The following NR2F1-AS1 variants were observed in gnomAD, a reference collection of about 807,000 sequenced individuals.
NR2F1-AS1 encodes NR2F1 regulatory antisense RNA 1, also known as NR2F1 antisense RNA 1.
chr5:93,433,059 C>T (rs998941358), intron 4 of NR2F1-AS1, among the ~76,000 whole-genome samples: 1 of 152,152 alleles, frequency 6.6e-6, no homozygotes, highest in Non-Finnish European at 1.5e-5. Flanking sequence ...TATTTTCATG[C>T]TTCTCCTATG....
chr5:93,487,341 G>C (rs553006027), intron 4 of NR2F1-AS1, among the ~76,000 whole-genome samples: 1 of 152,280 alleles, frequency 6.6e-6, no homozygotes, highest in Non-Finnish European at 1.5e-5. Flanking sequence ...TGTATATTTA[G>C]AAAACCCCAT....
intron 1 of NR2F1-AS1, among the ~76,000 whole-genome samples, chr5:93,575,621 C>A (rs1752878295): frequency 1.3e-5 from 2 of 152,194 alleles, no homozygotes; most frequent in Admixed American, 1.3e-4. Context: ...CAATCTCCTC[C>A]CCCTGAAGAG....
At chr5:93,443,947 A>G (rs184096497) in intron 4 of NR2F1-AS1, among the ~76,000 whole-genome samples, 5 of 152,316 alleles carry the variant, frequency 3.3e-5, no homozygotes, top group Admixed American at 1.3e-4. Flanking sequence ...ATCCAGCCAA[A>G]CTAAGTTTCA....
chr5:93,577,965 T>C (rs1752932971), intron 1 of NR2F1-AS1, among the ~76,000 whole-genome samples: 1 of 152,138 alleles, frequency 6.6e-6, no homozygotes, highest in South Asian at 2.1e-4. Flanking sequence ...TTGAACTAGA[T>C]TTAGAAAATG....
At chr5:93,530,594 T>G (rs1313131780) in intron 4 of NR2F1-AS1, among the ~76,000 whole-genome samples, 2 of 152,166 alleles carry the variant, frequency 1.3e-5, no homozygotes, top group Non-Finnish European at 2.9e-5. Context: ...GAGAAACAGA[T>G]AAACAAGGGA....
chr5:93,429,066 G>A (rs1749253773), intron 4 of NR2F1-AS1, among the ~76,000 whole-genome samples: 1 of 152,114 alleles, frequency 6.6e-6, no homozygotes, highest in African/African-American at 2.4e-5. Context: ...TTTGTTCTTA[G>A]TCATGTGCAG....
At chr5:93,535,127 C>A (rs1751813246) in intron 4 of NR2F1-AS1, among the ~76,000 whole-genome samples, 1 of 150,584 alleles carries the variant, frequency 6.6e-6, no homozygotes. Context: ...CAAAGCTATC[C>A]TTAAACAGAA....
At chr5:93,519,270 A>G (rs1333186895) in intron 4 of NR2F1-AS1, among the ~76,000 whole-genome samples, 1 of 152,094 alleles carries the variant, frequency 6.6e-6, no homozygotes, top group African/African-American at 2.4e-5. Flanking sequence ...GCAGATTTAC[A>G]TCTCACATTC....
At chr5:93,457,610 T>C (rs183085626) in intron 4 of NR2F1-AS1, among the ~76,000 whole-genome samples, 3 of 152,252 alleles carry the variant, frequency 2.0e-5, no homozygotes, top group Admixed American at 6.5e-5. Context: ...AAAACCACCA[T>C]TGTCATCATG....
At chr5:93,507,050 T>C (rs972270681) in intron 4 of NR2F1-AS1, among the ~76,000 whole-genome samples, 3 of 152,176 alleles carry the variant, frequency 2.0e-5, no homozygotes, top group African/African-American at 7.2e-5. Flanking sequence ...AGACTGACAT[T>C]GCTAAATTTA....
intron 4 of NR2F1-AS1, among the ~76,000 whole-genome samples, chr5:93,513,888 A>G (rs542168099): frequency 5.9e-5 from 9 of 152,266 alleles, no homozygotes; most frequent in Non-Finnish European, 8.8e-5. Context: ...CTTACTAAAC[A>G]TAAGTACTAT....
intron 1 of NR2F1-AS1, among the ~76,000 whole-genome samples, chr5:93,573,161 TC>T (rs1416634051): frequency 1.3e-5 from 2 of 152,140 alleles, no homozygotes; most frequent in Non-Finnish European, 2.9e-5. Context: ...AGACCGCAGC[TC>T]CCTGCCGAAG....
chr5:93,497,439 T>A (rs995325428), intron 4 of NR2F1-AS1, among the ~76,000 whole-genome samples: 4 of 152,158 alleles, frequency 2.6e-5, no homozygotes, highest in African/African-American at 9.7e-5. Context: ...GGTTTACAGG[T>A]TGTGAGAAAA....
At chr5:93,479,634 A>T (rs1284944507) in intron 4 of NR2F1-AS1, among the ~76,000 whole-genome samples, 1 of 152,002 alleles carries the variant, frequency 6.6e-6, no homozygotes, top group African/African-American at 2.4e-5. Context: ...GAAGCACACA[A>T]AAAATAGAAA....
At chr5:93,474,591 C>T (rs1274429592) in intron 4 of NR2F1-AS1, among the ~76,000 whole-genome samples, 1 of 152,166 alleles carries the variant, frequency 6.6e-6, no homozygotes, top group African/African-American at 2.4e-5. Context: ...TGCTTCCTAA[C>T]TCATAGATGG....
At chr5:93,502,597 A>C (rs919106905) in intron 4 of NR2F1-AS1, among the ~76,000 whole-genome samples, 4 of 152,230 alleles carry the variant, frequency 2.6e-5, no homozygotes, top group Non-Finnish European at 5.9e-5. Flanking sequence ...AAAGGTTCAG[A>C]TATTCAAAAG....
chr5:93,424,936 C>T (rs1247553711), intron 4 of NR2F1-AS1, among the ~76,000 whole-genome samples: 1 of 152,158 alleles, frequency 6.6e-6, no homozygotes, highest in Non-Finnish European at 1.5e-5. Context: ...GAAAGTAGGT[C>T]TAAACTCCTT....
chr5:93,485,214 G>A (rs572277967), intron 4 of NR2F1-AS1, among the ~76,000 whole-genome samples: 108 of 152,172 alleles, frequency 7.1e-4, no homozygotes, highest in Non-Finnish European at 1.1e-3. Context: ...ATAATTGGAA[G>A]TAAAACATTC....
At chr5:93,525,859 G>A (rs1751601889) in intron 4 of NR2F1-AS1, among the ~76,000 whole-genome samples, 1 of 152,162 alleles carries the variant, frequency 6.6e-6, no homozygotes, top group Non-Finnish European at 1.5e-5. Context: ...CTAAAGCAGT[G>A]TTTAGAGGGA....
Sources: allele counts gnomAD v4.1 joint callset (sites outside exome capture counted in the v4.1 genomes callset), GRCh38; gene constraint gnomAD v4.1.1; transcripts MANE v1.5; gene names NCBI Gene and HGNC (gene_info 2026-07-23, HGNC 2026-07-21).